BRI3BP: variants seen among roughly 807,000 people sequenced by gnomAD.
BRI3BP encodes the protein BRI3-binding protein.
Under a neutral mutation model 15.8 loss-of-function variants are expected in BRI3BP, and 7 were observed. The observed-to-expected ratio is 0.44, with a 90% CI of 0.25 to 0.83. BRI3BP has a LOEUF of 0.83. Ranked by LOEUF, BRI3BP falls within the 40% of genes least tolerant of loss-of-function variation. The pLI is 0.20. For synonymous variants in BRI3BP, 192 were observed against 163.5 expected (o/e 1.17, Z -1.33); for missense variants, 320 against 339.3 (o/e 0.94, Z 0.45).
Position 125,014,387 on chromosome 12 carries a change from C to T in BRI3BP, c.316+1751C>T, listed in dbSNP as rs181713647. Among the ~76,000 whole-genome samples the T allele has an allele frequency of 1.6e-3, 237 of 152,282 alleles. 2 individuals are homozygous for T. Among genetic ancestry groups the T allele is most frequent in the African/African-American group, 5.5e-3 (227 of 41,548 alleles). On this transcript the variant is annotated intron_variant, in intron 2 of 2. Transcript: ENST00000341446. ...AGACCATCTACAGGCTCACCGGTTC[C>T]CTAGGAGCACTGGCAGGACTCAGCA...
chr12:125,049,851 C>A, the BRI3BP span, among the ~76,000 whole-genome samples: 1 of 141,846 alleles, frequency 7.0e-6, no homozygotes, highest in Non-Finnish European at 1.5e-5. Flanking sequence ...GCCGCCCGGG[C>A]GTTGGGGTCG....
chr12:125,049,376 C>T, the BRI3BP span, among the ~76,000 whole-genome samples: 1 of 152,182 alleles, frequency 6.6e-6, no homozygotes, highest in Admixed American at 6.5e-5. Flanking sequence ...CCCTCCTATT[C>T]CCCAGCGCAC....
chr12:125,011,617 G>A (rs1452919312), intron 1 of BRI3BP, among the ~76,000 whole-genome samples: 4 of 152,188 alleles, frequency 2.6e-5, no homozygotes, highest in Admixed American at 2.6e-4. Context: ...GGTTCCTCCG[G>A]AGGGGGATTC....
At chr12:125,006,512 C>T (rs749417387) in intron 1 of BRI3BP, among the ~76,000 whole-genome samples, 2 of 152,198 alleles carry the variant, frequency 1.3e-5, no homozygotes, top group Admixed American at 1.3e-4. Context: ...GCTTCTCAGG[C>T]ATGGCAGTTT....
chr12:125,050,237 C>A, the BRI3BP span, among the ~76,000 whole-genome samples: 1 of 151,868 alleles, frequency 6.6e-6, no homozygotes, highest in African/African-American at 2.4e-5. Flanking sequence ...GTAGTCCCAG[C>A]TACTCCAGAG....
intron 1 of BRI3BP, among the ~76,000 whole-genome samples, chr12:125,006,497 C>T (rs1043430784): frequency 7.9e-5 from 12 of 152,194 alleles, no homozygotes; most frequent in South Asian, 2.1e-4. Flanking sequence ...TCCTCAGGCA[C>T]GCCAGCTTCT....
Position 125,025,211 on chromosome 12 carries a change from C to T in BRI3BP, c.537C>T (p.Gly179=), listed in dbSNP as rs1366471744. The T allele has an allele frequency of 3.7e-6, 6 of 1,613,970 alleles. No individual in the cohort carries two copies. The Admixed American group carries it at 5.0e-5, about 13-fold the overall frequency. ...TGTACATCCTGCACAAGTACGAGGG[C>T]GAGCCGGAGAACGCGGTGCTGCCGC... ...SCVYILHKYE[G]EPENAVLPLC... Residue 179 remains glycine (G), a synonymous_variant, in exon 3 of 3, where the codon GGC becomes GGT. Coordinates refer to ENST00000341446, the MANE Select transcript of BRI3BP (RefSeq NM_080626.6).
chr12:125,016,311 A>G (rs1321770578), intron 2 of BRI3BP, among the ~76,000 whole-genome samples: 1 of 151,928 alleles, frequency 6.6e-6, no homozygotes, highest in Non-Finnish European at 1.5e-5. Context: ...TATTCTGGTA[A>G]AAAAGGTTTC....
chr12:125,049,160 A>C, the BRI3BP span, among the ~76,000 whole-genome samples: 4 of 151,862 alleles, frequency 2.6e-5, no homozygotes, highest in Non-Finnish European at 4.4e-5. Context: ...ACGGGATTTC[A>C]CCGTGTTCGC....
At chr12:125,000,010 G>GTTTT (rs1366910213) in intron 1 of BRI3BP, among the ~76,000 whole-genome samples, 1 of 89,582 alleles carries the variant, frequency 1.1e-5, no homozygotes, top group East Asian at 3.5e-4. Context: ...CTGCCTTTTG[G>GTTTT]TTTTTCTTTT....
At chr12:124,994,048 A>AGGTG in intron 1 of BRI3BP, 45 bp downstream of exon 1, 1 of 1,207,698 alleles carries the variant, frequency 8.3e-7, no homozygotes, top group Non-Finnish European at 1.0e-6. Flanking sequence ...CCCGGTCGCC[A>AGGTG]CGCACCTGGC....
At chr12:125,041,141 G>A in the BRI3BP span, among the ~76,000 whole-genome samples, 1 of 151,938 alleles carries the variant, frequency 6.6e-6, no homozygotes, top group African/African-American at 2.4e-5. Context: ...TGCCTCTCGG[G>A]TTCATGCCAT....
At chr12:124,998,056 G>A (rs1240528728) in intron 1 of BRI3BP, among the ~76,000 whole-genome samples, 6 of 151,188 alleles carry the variant, frequency 4.0e-5, no homozygotes, top group Non-Finnish European at 7.4e-5. Context: ...CCCGGGAGGC[G>A]GCCGTTGCAG....
At chr12:125,013,536 G>GTA (rs1031536167) in intron 2 of BRI3BP, among the ~76,000 whole-genome samples, 23 of 152,354 alleles carry the variant, frequency 1.5e-4, no homozygotes, top group African/African-American at 5.3e-4. Flanking sequence ...AGTCGTGTGT[G>GTA]TATGGGGGAA....
At chr12:125,023,201 G>A (rs1427949633) in intron 2 of BRI3BP, among the ~76,000 whole-genome samples, 3 of 152,154 alleles carry the variant, frequency 2.0e-5, no homozygotes, top group Non-Finnish European at 4.4e-5. Context: ...CCTCTTATAT[G>A]AAAGTTCTCA....
chr12:124,993,716 C>A lies in BRI3BP; in HGVS notation c.-75C>A, dbSNP rs1955014655. 3.4e-6 allele frequency: 3 copies of A among 872,998 alleles called. No homozygotes were observed. In the South Asian group the frequency reaches 1.5e-4, roughly 44 times the overall value. 54.1% of individuals were successfully genotyped at this position (872,998 alleles called of 1,614,324 possible). On this transcript the variant is annotated 5_prime_UTR_variant, in exon 1 of 3. Coordinates refer to ENST00000341446, the MANE Select transcript of BRI3BP (RefSeq NM_080626.6). Reference sequence around the variant, plus strand: ...GCGGCCCCCGAGCGCGCCAACCTTGCCCTAGCCGGAGCCCGCTGCGGCCCA... The same window carrying A: ...GCGGCCCCCGAGCGCGCCAACCTTGACCTAGCCGGAGCCCGCTGCGGCCCA...
At chr12:125,037,588 G>T in the BRI3BP span, among the ~76,000 whole-genome samples, 4 of 151,630 alleles carry the variant, frequency 2.6e-5, no homozygotes, top group Non-Finnish European at 5.9e-5. Flanking sequence ...AAGGCGGGCA[G>T]ATCACGAGGC....
chr12:125,007,866 T>TA (rs1226379282), intron 1 of BRI3BP, among the ~76,000 whole-genome samples: 1 of 152,236 alleles, frequency 6.6e-6, no homozygotes, highest in Non-Finnish European at 1.5e-5. Context: ...GATCATGTCT[T>TA]ACTACGCGTC....
chr12:125,015,114 C>G (rs1022782063), intron 2 of BRI3BP, among the ~76,000 whole-genome samples: 27 of 152,180 alleles, frequency 1.8e-4, no homozygotes, highest in African/African-American at 6.5e-4. Flanking sequence ...CACTGCTTAG[C>G]CAGTCATGTG....
Sources: gnomAD v4.1 joint callset for allele counts (sites outside exome capture counted in the v4.1 genomes callset) on GRCh38, gnomAD v4.1.1 for gene constraint, MANE v1.5 for transcripts, NCBI Gene and HGNC (gene_info 2026-07-23, HGNC 2026-07-21) for gene names.